The following CCDC175 variants were observed in gnomAD, a reference collection of about 807,000 sequenced individuals.
CCDC175 encodes the protein coiled-coil domain-containing protein 175.
Under a neutral mutation model 114.6 loss-of-function variants are expected in CCDC175, and 100 were observed. The ratio of observed to expected loss-of-function variants is 0.87; its 90% CI spans 0.74 to 1.03. The LOEUF is 1.03. CCDC175 is among the 50% of genes least tolerant of loss of function. CCDC175 has a pLI of 0.00. For missense variants in CCDC175, 880 were observed against 917.8 expected, an observed-to-expected ratio of 0.96 and a Z score of 0.53; for synonymous variants, 306 against 308.7, an observed-to-expected ratio of 0.99 and a Z score of 0.09.
intron 10 of CCDC175, among the ~76,000 whole-genome samples, chr14:59,541,594 T>A (rs1358549382): frequency 6.6e-6 from 1 of 152,186 alleles, no homozygotes; most frequent in Non-Finnish European, 1.5e-5. Context: ...GACTCTCAAT[T>A]TCCTACCAAA....
chr14:59,536,134 C>T (rs1017883959), intron 13 of CCDC175, among the ~76,000 whole-genome samples: 5 of 152,272 alleles, frequency 3.3e-5, no homozygotes, highest in African/African-American at 1.2e-4. Flanking sequence ...GCATCTGCTT[C>T]ATGAACATGA....
intron 10 of CCDC175, among the ~76,000 whole-genome samples, chr14:59,541,654 C>A (rs372792901): frequency 6.6e-6 from 1 of 152,108 alleles, no homozygotes; most frequent in South Asian, 2.1e-4. Context: ...ACAATTCACC[C>A]CAACCTTACT....
intron 17 of CCDC175, among the ~76,000 whole-genome samples, chr14:59,516,064 A>G (rs1190994558): frequency 6.6e-6 from 1 of 152,218 alleles, no homozygotes; most frequent in Non-Finnish European, 1.5e-5. Context: ...CTCCTGAATG[A>G]CTACTGGGTA....
chr14:59,568,682 A>G (rs960581781), intron 3 of CCDC175, among the ~76,000 whole-genome samples: 29 of 152,214 alleles, frequency 1.9e-4, no homozygotes, highest in African/African-American at 7.0e-4. Context: ...TGCAACTTCT[A>G]CATGGGGCTT....
intron 5 of CCDC175, among the ~76,000 whole-genome samples, chr14:59,564,727 A>G (rs1334518678): frequency 2.6e-5 from 4 of 152,216 alleles, no homozygotes; most frequent in African/African-American, 7.2e-5. Context: ...ACACAGTCTC[A>G]GGGTTATCAA....
At chr14:59,533,345 A>C (rs1266355447) in intron 13 of CCDC175, among the ~76,000 whole-genome samples, 3 of 152,218 alleles carry the variant, frequency 2.0e-5, no homozygotes, top group Non-Finnish European at 4.4e-5. Context: ...ATGTTGCTTC[A>C]TAATATAGCT....
intron 19 of CCDC175, among the ~76,000 whole-genome samples, chr14:59,506,088 G>A (rs1892358148): frequency 6.6e-6 from 1 of 151,992 alleles, no homozygotes; most frequent in South Asian, 2.1e-4. Context: ...TACTAAATCT[G>A]TGTTTTCTTG....
At chr14:59,554,143 C>G (rs547285229) in intron 7 of CCDC175, among the ~76,000 whole-genome samples, 73 of 152,316 alleles carry the variant, frequency 4.8e-4, no homozygotes, top group African/African-American at 1.7e-3. Flanking sequence ...ACTCTCCACC[C>G]AAAATCAACA....
chr14:59,555,123 C>T (rs139478802), intron 7 of CCDC175, among the ~76,000 whole-genome samples: 6,179 of 152,286 alleles, frequency 0.041, 159 homozygotes, highest in Non-Finnish European at 0.06. Context: ...ATGAGGCCAG[C>T]ATCATCCTGA....
At chr14:59,546,115 C>A (rs1239690853) in intron 8 of CCDC175, among the ~76,000 whole-genome samples, 2 of 152,150 alleles carry the variant, frequency 1.3e-5, no homozygotes, top group Admixed American at 1.3e-4. Flanking sequence ...TAATAATACA[C>A]CATGGAACAT....
At chr14:59,546,024 A>G (rs879376198) in intron 8 of CCDC175, among the ~76,000 whole-genome samples, 25 of 152,246 alleles carry the variant, frequency 1.6e-4, no homozygotes, top group Non-Finnish European at 3.1e-4. Flanking sequence ...GCTCATGTTT[A>G]TTGCTGCACT....
At chr14:59,534,112 C>A (rs1894253287) in intron 13 of CCDC175, among the ~76,000 whole-genome samples, 1 of 152,008 alleles carries the variant, frequency 6.6e-6, no homozygotes, top group Non-Finnish European at 1.5e-5. Flanking sequence ...CTGTATGCAG[C>A]TCAGGTTCCC....
chr14:59,554,837 C>T (rs12147932), intron 7 of CCDC175, among the ~76,000 whole-genome samples: 38,797 of 151,530 alleles, frequency 0.26, 6,162 homozygotes, highest in Non-Finnish European at 0.34. Context: ...ACTATAAACA[C>T]CTCTACGCAA....
chr14:59,553,827 A>G (rs970725293), intron 7 of CCDC175, among the ~76,000 whole-genome samples: 4 of 152,222 alleles, frequency 2.6e-5, no homozygotes, highest in Non-Finnish European at 4.4e-5. Flanking sequence ...AGTCTCTCAT[A>G]AAACAGACTT....
At chr14:59,569,778 A>G (rs1170478767) in intron 3 of CCDC175, among the ~76,000 whole-genome samples, 2 of 152,210 alleles carry the variant, frequency 1.3e-5, no homozygotes, top group Non-Finnish European at 2.9e-5. Context: ...CTCACAGTAA[A>G]TTGAAAAGGG....
At chr14:59,525,505 G>A in intron 15 of CCDC175, 71 bp from the exon 16 acceptor site, 1 of 1,028,636 alleles carries the variant, frequency 9.7e-7, no homozygotes, top group Non-Finnish European at 1.4e-6. Context: ...ATACTGCCTA[G>A]GTCACATTTG....
At chr14:59,526,807 C>G (rs990913858) in intron 15 of CCDC175, among the ~76,000 whole-genome samples, 6 of 152,150 alleles carry the variant, frequency 3.9e-5, no homozygotes, top group South Asian at 2.1e-4. Flanking sequence ...AATGACTGTT[C>G]CACAAGTACA....
intron 14 of CCDC175, among the ~76,000 whole-genome samples, chr14:59,527,599 T>A (rs1305003331): frequency 6.6e-6 from 1 of 152,188 alleles, no homozygotes; most frequent in Non-Finnish European, 1.5e-5. Flanking sequence ...ATGAGCCAAA[T>A]GGTATAATAT....
At chr14:59,566,882 C>G (rs753599252) in intron 4 of CCDC175, among the ~76,000 whole-genome samples, 3 of 152,154 alleles carry the variant, frequency 2.0e-5, no homozygotes, top group Non-Finnish European at 4.4e-5. Flanking sequence ...TTGTTATTGC[C>G]TTTCCGTAAA....
Sources: allele counts gnomAD v4.1 joint callset (sites outside exome capture counted in the v4.1 genomes callset), GRCh38; gene constraint gnomAD v4.1.1; transcripts MANE v1.5; gene names NCBI Gene and HGNC (gene_info 2026-07-23, HGNC 2026-07-21).